Variants in GRHL2 observed in about 807,000 individuals in gnomAD.
The protein encoded by GRHL2 is grainyhead like transcription factor 2.
In GRHL2, 21 loss-of-function variants were observed where a neutral mutation model predicts 83.8. The observed-to-expected ratio is 0.25, with a 90% CI of 0.18 to 0.36. The LOEUF is 0.36. Among genes scored for constraint, GRHL2 ranks in the 10% least tolerant of loss-of-function variants. GRHL2 has a pLI of 1.00. For synonymous variants in GRHL2, 280 were observed against 278.9 expected (o/e 1.00, Z -0.04); for missense variants, 623 against 781.8 (o/e 0.80, Z 2.42).
chr8:101,502,780 T>C (rs1017599889), intron 1 of GRHL2, among the ~76,000 whole-genome samples: 5 of 152,118 alleles, frequency 3.3e-5, no homozygotes, highest in African/African-American at 4.8e-5. Flanking sequence ...CTCTTCCTCC[T>C]CTTCCTTTTC....
At position 101,667,145 on chromosome 8, in the gene GRHL2, T is replaced by C. The variant is rs1423912427; in HGVS notation, c.*442T>C. On this transcript the variant is annotated 3_prime_UTR_variant, in exon 16 of 16. Coordinates refer to ENST00000646743, the MANE Select transcript of GRHL2 (RefSeq NM_024915.4). ...GAGTGGCTGGACAAAATGAGCTACG[T>C]CTGGGTGCAGTAGTTATAGGTGGGG... 1 of 260,478 alleles carries C rather than the reference T, an allele frequency of 3.8e-6. No homozygotes were observed. The highest frequency in any genetic ancestry group is 7.6e-6 in the Non-Finnish European group (1 of 130,820). 16.1% of individuals were successfully genotyped at this position (260,478 alleles called of 1,614,324 possible).
downstream of GRHL2, among the ~76,000 whole-genome samples, chr8:101,671,110 G>C (rs1223143036): frequency 6.6e-6 from 1 of 152,190 alleles, no homozygotes; most frequent in Non-Finnish European, 1.5e-5. Flanking sequence ...GACGACGGTT[G>C]ATTTCTGTAT....
intron 7 of GRHL2, among the ~76,000 whole-genome samples, chr8:101,581,208 C>G (rs575177338): frequency 1.3e-5 from 2 of 152,314 alleles, no homozygotes; most frequent in South Asian, 4.1e-4. Context: ...TTGGCTGCTG[C>G]TAGTTCTGAC....
At chr8:101,502,048 C>T (rs1182654449) in intron 1 of GRHL2, among the ~76,000 whole-genome samples, 1 of 151,768 alleles carries the variant, frequency 6.6e-6, no homozygotes, top group Non-Finnish European at 1.5e-5. Flanking sequence ...TTTTTTGGTT[C>T]TCAGTTCAGT....
At chr8:101,672,046 C>T (rs918520613), downstream of GRHL2, among the ~76,000 whole-genome samples, 1 of 151,712 alleles carries the variant, frequency 6.6e-6, no homozygotes, top group Non-Finnish European at 1.5e-5. Context: ...CACCAAAAAC[C>T]CTTCTGTACG....
rs552615165 is a variant in GRHL2 at position 101,665,531 on chromosome 8, C to T, written c.1763+1013C>T. 4.6e-5 allele frequency among the ~76,000 whole-genome samples: 7 copies of T among 152,294 alleles called. No homozygotes were observed. In the East Asian group the frequency reaches 1.2e-3, roughly 25 times the overall value. ...ACTAAAATGCACGTTATACTTCTTG[C>T]CGAGGTCAATGTAGTAGGCTGGGTG... On this transcript the variant is annotated intron_variant, in intron 15 of 15. Coordinates refer to ENST00000646743, the MANE Select transcript of GRHL2 (RefSeq NM_024915.4).
intron 8 of GRHL2, among the ~76,000 whole-genome samples, chr8:101,608,350 A>C (rs1211597039): frequency 6.6e-6 from 1 of 150,862 alleles, no homozygotes; most frequent in African/African-American, 2.5e-5. Flanking sequence ...TATCTCCTTT[A>C]TTATCTCTGA....
At chr8:101,646,301 C>T (rs778844370) in intron 13 of GRHL2, among the ~76,000 whole-genome samples, 7 of 152,112 alleles carry the variant, frequency 4.6e-5, no homozygotes, top group East Asian at 1.9e-4. Flanking sequence ...ATCACACAGG[C>T]GAAACTAATT....
chr8:101,661,694 G>A (rs997344445), intron 14 of GRHL2, among the ~76,000 whole-genome samples: 16 of 152,188 alleles, frequency 1.1e-4, no homozygotes, highest in Admixed American at 1.0e-3. Context: ...AGGGCCGACT[G>A]TATTTTTTCA....
At chr8:101,658,624 G>A (rs1004917442) in intron 14 of GRHL2, among the ~76,000 whole-genome samples, 3 of 152,156 alleles carry the variant, frequency 2.0e-5, no homozygotes, top group Non-Finnish European at 2.9e-5. Flanking sequence ...GTGAGCCGAG[G>A]TGTTCCCTTT....
chr8:101,586,396 C>G (rs1220251351), intron 7 of GRHL2, among the ~76,000 whole-genome samples: 1 of 152,154 alleles, frequency 6.6e-6, no homozygotes, highest in East Asian at 1.9e-4. Flanking sequence ...TGACCCATCT[C>G]TGGGGTTCTC....
In GRHL2 at chr8:101,576,980, A is replaced by T. The variant is rs145164170; in HGVS notation, c.892-428A>T. 8.5e-3 allele frequency among the ~76,000 whole-genome samples: 1,287 copies of T among 152,290 alleles called. 13 individuals are homozygous for T. The highest frequency in any genetic ancestry group is 0.028 in the African/African-American group (1,156 of 41,546). On this transcript the variant is annotated intron_variant, in intron 6 of 15. Transcript: ENST00000646743. Reference sequence around the variant, plus strand: ...ATATTCCAGCCTGAGCCACTTAATTAGACCACAAACAGATGTTTGCTTCTT... The same window carrying T: ...ATATTCCAGCCTGAGCCACTTAATTTGACCACAAACAGATGTTTGCTTCTT...
chr8:101,569,577 C>T (rs144997153), intron 4 of GRHL2, among the ~76,000 whole-genome samples: 364 of 152,280 alleles, frequency 2.4e-3, no homozygotes, highest in African/African-American at 7.3e-3. Flanking sequence ...TCAAGCGATG[C>T]TTCCGCCTCA....
At chr8:101,552,258 C>T (rs1364459588) in intron 2 of GRHL2, among the ~76,000 whole-genome samples, 1 of 152,212 alleles carries the variant, frequency 6.6e-6, no homozygotes, top group African/African-American at 2.4e-5. Context: ...TGCCTAAGCA[C>T]TCCCAACCAC....
At chr8:101,652,369 GTC>G (rs1491436008) in intron 14 of GRHL2, among the ~76,000 whole-genome samples, 7,171 of 60,166 alleles carry the variant, frequency 0.12, 1,652 homozygotes, top group African/African-American at 0.2. Context: ...GTGTGTGTGT[GTC>G]TGATGTGTGT....
intron 9 of GRHL2, among the ~76,000 whole-genome samples, chr8:101,623,133 C>A (rs1812997508): frequency 6.6e-6 from 1 of 152,228 alleles, no homozygotes; most frequent in African/African-American, 2.4e-5. Flanking sequence ...GTAAGGAAAA[C>A]AGAAAGAAAA....
At chr8:101,663,614 A>AAAATAAATAAATAAATAAAT (rs147519589) in intron 14 of GRHL2, among the ~76,000 whole-genome samples, 21 of 133,948 alleles carry the variant, frequency 1.6e-4, no homozygotes, top group African/African-American at 5.9e-4. Context: ...TCCATCTCAA[A>AAAATAAATAAATAAATAAAT]AAATAAATAA....
chr8:101,607,271 T>C (rs1039967744), intron 8 of GRHL2, among the ~76,000 whole-genome samples: 1 of 152,208 alleles, frequency 6.6e-6, no homozygotes, highest in African/African-American at 2.4e-5. Context: ...GCGTTCTTAA[T>C]CTGCTGACCT....
chr8:101,556,843 A>G (rs978130921), intron 3 of GRHL2, among the ~76,000 whole-genome samples: 2 of 150,540 alleles, frequency 1.3e-5, no homozygotes, highest in Admixed American at 6.6e-5. Flanking sequence ...TCAAATTACC[A>G]TGTTTGTCCT....
Sources: allele counts gnomAD v4.1 joint callset (sites outside exome capture counted in the v4.1 genomes callset), GRCh38; gene constraint gnomAD v4.1.1; transcripts MANE v1.5; gene names NCBI Gene and HGNC (gene_info 2026-07-23, HGNC 2026-07-21).